TRIM23: variants seen among roughly 807,000 people sequenced by gnomAD.
The protein encoded by TRIM23 is tripartite motif containing 23.
A neutral mutation model predicts 71.0 loss-of-function variants in TRIM23; 27 were observed. The observed-to-expected ratio is 0.38, with a 90% CI of 0.28 to 0.52. The LOEUF is 0.52. Ranked by LOEUF, TRIM23 falls within the 20% of genes least tolerant of loss-of-function variation. The probability of loss-of-function intolerance (pLI) is 0.84; values close to 1 mark genes in which losing one functional copy is unlikely to be tolerated. For missense variants in TRIM23, 482 were observed against 692.3 expected, an observed-to-expected ratio of 0.70 and a Z score of 3.41; for synonymous variants, 234 against 238.0, an observed-to-expected ratio of 0.98 and a Z score of 0.16.
intron 3 of TRIM23, chr5:65,613,780 C>A: frequency 7.9e-7 from 1 of 1,265,376 alleles, no homozygotes; most frequent in Non-Finnish European, 1.0e-6. Context: ...TTTGCATCCT[C>A]TTCTCTACTG....
chr5:65,618,217 C>T lies in TRIM23; in HGVS notation c.120G>A (p.Leu40=). ...AAAGACGGGGAACTTTGTCTCCTTG[C>T]AAAGAAAAGACATCTTCACAAACTC... is the stretch of plus-strand genomic sequence containing the variant. The part of the protein sequence containing the change: ...ECGVCEDVFS[L]QGDKVPRLLL... Residue 40 remains leucine (L), a synonymous_variant, in exon 2 of 11, where the codon TTG becomes TTA. Transcript: ENST00000231524. The T allele has an allele frequency of 6.2e-7, 1 of 1,613,812 alleles. No individual in the cohort carries two copies. Among genetic ancestry groups the T allele is most frequent in the Non-Finnish European group, 8.5e-7 (1 of 1,179,922 alleles).
intron 10 of TRIM23, among the ~76,000 whole-genome samples, chr5:65,594,244 C>T (rs1581173937): frequency 6.6e-6 from 1 of 152,170 alleles, no homozygotes; most frequent in East Asian, 1.9e-4. Flanking sequence ...ATTCCCGTAA[C>T]ACTGTGTTAC....
intron 6 of TRIM23, among the ~76,000 whole-genome samples, chr5:65,605,525 TTAATGATCAG>T (rs984573961): frequency 9.9e-5 from 15 of 152,196 alleles, no homozygotes; most frequent in African/African-American, 3.6e-4. Flanking sequence ...TAGTTACACA[TTAATGATCAG>T]TCTGAAAATT....
In TRIM23 at chr5:65,618,109, T is replaced by C; in HGVS notation, c.228A>G (p.Arg76=). 1 of 1,612,782 alleles carries C rather than the reference T, an allele frequency of 6.2e-7. No individual in the cohort carries two copies. Among genetic ancestry groups the C allele is most frequent in the Admixed American group, 1.7e-5 (1 of 59,708 alleles). Reference sequence around the variant, plus strand: ...TTTTCCTACCTAGGTCTGTTACTTGTCGATCAAATGGGCAACGGATTGCTC... The same window carrying C: ...TTTTCCTACCTAGGTCTGTTACTTGCCGATCAAATGGGCAACGGATTGCTC... The part of the protein sequence containing the change: ...HGRAIRCPFD[R]QVTDLGDSGV... The change falls in exon 2 of 11, where the codon CGA becomes CGG. Residue 76 remains arginine (R), a synonymous_variant. Transcript: ENST00000231524.
chr5:65,593,164 G>A (rs142574943), intron 10 of TRIM23, among the ~76,000 whole-genome samples: 1 of 152,202 alleles, frequency 6.6e-6, no homozygotes, highest in Non-Finnish European at 1.5e-5. Flanking sequence ...ACCAGGCGCA[G>A]TGACTCACAC....
At chr5:65,623,835 CTT>C (rs1028913240) in intron 1 of TRIM23, among the ~76,000 whole-genome samples, 2 of 152,218 alleles carry the variant, frequency 1.3e-5, no homozygotes, top group African/African-American at 4.8e-5. Flanking sequence ...AAACACCTAA[CTT>C]AGTACGTAGT....
chr5:65,597,680 T>C (rs1049690573), intron 7 of TRIM23, among the ~76,000 whole-genome samples: 1 of 152,216 alleles, frequency 6.6e-6, no homozygotes, highest in African/African-American at 2.4e-5. Flanking sequence ...CAGTATATTA[T>C]GGAATCCTGT....
intron 10 of TRIM23, 63 bp from the exon 11 acceptor site, chr5:65,592,011 C>A (rs550561573): frequency 2.7e-6 from 4 of 1,467,268 alleles, no homozygotes; most frequent in South Asian, 1.4e-5. Context: ...CTAATTATCA[C>A]CATTTATAGA....
chr5:65,603,436 G>GA (rs908427253), intron 7 of TRIM23, among the ~76,000 whole-genome samples: 1 of 150,572 alleles, frequency 6.6e-6, no homozygotes, highest in African/African-American at 2.4e-5. Context: ...AAAAGAGCAG[G>GA]AAAAAAAAAG....
rs146355504 is a variant in TRIM23 at position 65,623,553 on chromosome 5, G to A, written c.81+641C>T. ...TACATGGTAGAATCTCAAACTTCAA[G>A]CATAAGAAAATTCATAAACTCTATC... On this transcript the variant is annotated intron_variant, in intron 1 of 10. Coordinates refer to ENST00000231524, the MANE Select transcript of TRIM23 (RefSeq NM_001656.4). 1.1e-4 allele frequency among the ~76,000 whole-genome samples: 17 copies of A among 152,288 alleles called. No individual in the cohort carries two copies. The East Asian group carries it at 2.9e-3, about 26-fold the overall frequency.
rs748865849 is a variant in TRIM23 at position 65,591,792 on chromosome 5, C to T, written c.1702G>A (p.Ala568Thr). The T allele has an allele frequency of 6.8e-6, 11 of 1,610,780 alleles. No individual in the cohort carries two copies. Among genetic ancestry groups the T allele is most frequent in the Non-Finnish European group, 8.5e-6 (10 of 1,178,052 alleles). ...LDWLSRQLVAAGVLDVA is the reference protein window; with the variant it reads ...LDWLSRQLVATGVLDVA ...AATCAAGCAACATCCAATACTCCAG[C>T]AGCTACAAGTTGCCGTGAGAGCCAG... The change falls in exon 11 of 11, where the codon GCT becomes ACT. Residue 568 changes from alanine to threonine, a missense_variant. Around this residue, in one of 2 missense-constraint regions of TRIM23, gnomAD observed 307 missense variants for 495.8 expected, o/e 0.62. Transcript: ENST00000231524.
chr5:65,611,823 C>A lies in TRIM23; in HGVS notation c.425G>T (p.Cys142Phe). 6.2e-7 allele frequency: 1 copy of A among 1,614,170 alleles called. No homozygotes were observed. Among genetic ancestry groups the A allele is most frequent in the East Asian group, 2.2e-5 (1 of 44,878 alleles). Residue 142 changes from cysteine (C) to phenylalanine (F), a missense_variant, in exon 4 of 11, where the codon TGT (cysteine) becomes TTT (phenylalanine). This residue lies in a region of TRIM23 where 175 missense variants were observed against 196.5 expected (regional missense o/e 0.89). Coordinates refer to ENST00000231524, the MANE Select transcript of TRIM23 (RefSeq NM_001656.4). Reference protein sequence around the residue: ...AHLASVYCTVCATHLCSECSQ... With the variant: ...AHLASVYCTVFATHLCSECSQ... Reference sequence around the variant, plus strand: ...ACACTCAGAGCACAAATGAGTTGCACACACAGTGCAATATACAGAGGCAAG... The same window carrying A: ...ACACTCAGAGCACAAATGAGTTGCAAACACAGTGCAATATACAGAGGCAAG...
intron 7 of TRIM23, 46 bp from the exon 8 acceptor site, chr5:65,597,226 G>A (rs554831579): frequency 6.3e-7 from 1 of 1,587,456 alleles, no homozygotes; most frequent in East Asian, 2.2e-5. Flanking sequence ...CAGTTAGAAA[G>A]TAATAGCATT....
At chr5:65,598,004 A>C (rs1754253775) in intron 7 of TRIM23, among the ~76,000 whole-genome samples, 1 of 152,156 alleles carries the variant, frequency 6.6e-6, no homozygotes. Context: ...TACTCCTTTG[A>C]GCACTCTTTG....
At chr5:65,622,290 T>C (rs2150645964) in intron 1 of TRIM23, among the ~76,000 whole-genome samples, 1 of 152,238 alleles carries the variant, frequency 6.6e-6, no homozygotes, top group South Asian at 2.1e-4. Context: ...CTCAGCCTCC[T>C]GAGTAACTGG....
At chr5:65,605,218 C>T (rs916289748) in intron 6 of TRIM23, among the ~76,000 whole-genome samples, 173 bp from the exon 7 acceptor site, 6 of 152,022 alleles carry the variant, frequency 3.9e-5, no homozygotes, top group Non-Finnish European at 5.9e-5. Flanking sequence ...GACTTAGCAA[C>T]GAAAGAATGG....
chr5:65,613,878 A>G (rs780118668), intron 3 of TRIM23: 71 of 1,454,438 alleles, frequency 4.9e-5, no homozygotes, highest in Non-Finnish European at 6.0e-5. Flanking sequence ...AAGGAAAAAA[A>G]AGTTCACACA....
rs1329346436 is a variant in TRIM23, at chr5:65,609,327, C to A, written c.960G>T (p.Trp320Cys). The change falls in exon 6 of 11, where the codon TGG becomes TGT. Residue 320 changes from tryptophan to cysteine, a missense_variant. Trp to Cys is a radical substitution (Grantham distance 215). This residue lies in a region of TRIM23 where 307 missense variants were observed against 495.8 expected (regional missense o/e 0.62). Transcript: ENST00000231524. ...TCATATCTTCTTGTTGCTGCCTGAGCCAAATCAATTTTTCACGAACATGAG... is the reference window on the plus strand; with the variant it reads ...TCATATCTTCTTGTTGCTGCCTGAGACAAATCAATTTTTCACGAACATGAG... Reference protein sequence around the residue: ...VDAHVREKLIWLRQQQEDMTI... With the variant: ...VDAHVREKLICLRQQQEDMTI... 2.5e-6 allele frequency: 4 copies of A among 1,613,964 alleles called. No individual in the cohort carries two copies. The highest frequency in any genetic ancestry group is 3.4e-6 in the Non-Finnish European group (4 of 1,180,036).
At chr5:65,600,477 T>C (rs899849603) in intron 7 of TRIM23, among the ~76,000 whole-genome samples, 23 of 152,078 alleles carry the variant, frequency 1.5e-4, no homozygotes, top group African/African-American at 5.6e-4. Flanking sequence ...AAGGATGTTA[T>C]GTATCTTACA....
Sources: gnomAD v4.1 joint callset for allele counts (sites outside exome capture counted in the v4.1 genomes callset) on GRCh38, gnomAD v4.1.1 for gene constraint, gnomAD v4.1.1 regional missense constraint, MANE v1.5 for transcripts, NCBI Gene and HGNC (gene_info 2026-07-23, HGNC 2026-07-21) for gene names.